The following TRIP12 variants were observed in gnomAD, a reference collection of about 807,000 sequenced individuals.
The protein encoded by TRIP12 is thyroid hormone receptor interactor 12, also known as E3 ubiquitin-protein ligase TRIP12.
A neutral mutation model predicts 244.2 loss-of-function variants in TRIP12; 25 were observed. That is an observed-to-expected ratio of 0.10 (90% CI 0.07 to 0.14). TRIP12 has a LOEUF of 0.14. Ranked by LOEUF, TRIP12 falls within the 10% of genes least tolerant of loss-of-function variation. TRIP12 has a pLI of 1.00. For missense variants in TRIP12, 1,677 were observed against 2,486.4 expected (o/e 0.67, Z 6.92); for synonymous variants, 905 against 873.1 (o/e 1.04, Z -0.64).
At chr2:229,866,771 T>C (rs988144724) in intron 2 of TRIP12, among the ~76,000 whole-genome samples, 2 of 152,134 alleles carry the variant, frequency 1.3e-5, no homozygotes, top group Non-Finnish European at 2.9e-5. Context: ...GTACTCTCCA[T>C]AGATGTTTCC....
At chr2:229,774,306 C>T in intron 37 of TRIP12, 45 bp from the exon 38 acceptor site, 1 of 1,553,954 alleles carries the variant, frequency 6.4e-7, no homozygotes, top group Non-Finnish European at 8.7e-7. Context: ...GCAAAATTAA[C>T]TTACGGTTGT....
At chr2:229,814,804 T>C (rs536093630) in intron 11 of TRIP12, among the ~76,000 whole-genome samples, 3 of 152,316 alleles carry the variant, frequency 2.0e-5, no homozygotes, top group East Asian at 3.9e-4. Context: ...AGGGTATAAA[T>C]AGCTATCAAC....
intron 23 of TRIP12, 67 bp from the exon 24 acceptor site, chr2:229,797,898 G>A: frequency 6.8e-7 from 1 of 1,469,610 alleles, no homozygotes; most frequent in Non-Finnish European, 9.2e-7. Flanking sequence ...TTCTGATCAA[G>A]GCAAATAGCT....
Position 229,916,563 on chromosome 2 carries a change from G to A in TRIP12, c.-50+5317C>T, listed in dbSNP as rs72991289. ...AAAGTGAGACTCTGTCTCAACAAAC[G>A]AACAAGCATAACCATGAAACTGACT... On this transcript the variant is annotated intron_variant, in intron 1 of 41. Coordinates refer to ENST00000675903, the MANE Select transcript of TRIP12 (RefSeq NM_001348323.3). Among the ~76,000 whole-genome samples, 861 of 152,148 alleles carry A rather than the reference G, an allele frequency of 5.7e-3. 4 individuals are homozygous for A. The highest frequency in any genetic ancestry group is 9.2e-3 in the Non-Finnish European group (625 of 67,990).
At chr2:229,846,704 T>C (rs2057650326) in intron 4 of TRIP12, among the ~76,000 whole-genome samples, 1 of 152,200 alleles carries the variant, frequency 6.6e-6, no homozygotes, top group Non-Finnish European at 1.5e-5. Context: ...TATGAGGTTA[T>C]AAAAAGGAAT....
chr2:229,901,331 C>T (rs1195054748), intron 1 of TRIP12, among the ~76,000 whole-genome samples: 1 of 151,920 alleles, frequency 6.6e-6, no homozygotes, highest in Admixed American at 6.6e-5. Flanking sequence ...GGCGCAGTGG[C>T]TCACTTTGGC....
At chr2:229,822,436 G>T (rs984887393) in intron 8 of TRIP12, among the ~76,000 whole-genome samples, 1 of 152,152 alleles carries the variant, frequency 6.6e-6, no homozygotes, top group Non-Finnish European at 1.5e-5. Flanking sequence ...AATTCTAGGA[G>T]GGCCACAACA....
chr2:229,809,931 T>C (rs771933517), intron 15 of TRIP12, among the ~76,000 whole-genome samples: 5 of 152,092 alleles, frequency 3.3e-5, no homozygotes, highest in African/African-American at 4.8e-5. Flanking sequence ...TCAGACAGAG[T>C]GGGACCAAAG....
rs201734931 is a variant in TRIP12, at chr2:229,897,957, TGA to T, written c.-49-17831_-49-17830del. 3.2e-3 allele frequency among the ~76,000 whole-genome samples: 493 copies of T among 152,294 alleles called. 22 individuals are homozygous for T. Among genetic ancestry groups the T allele is most frequent in the Admixed American group, 0.029 (446 of 15,300 alleles). On this transcript the variant is annotated intron_variant, in intron 1 of 41. Coordinates refer to ENST00000675903, the MANE Select transcript of TRIP12 (RefSeq NM_001348323.3). Reference sequence around the variant, plus strand: ...CAACAAACAACCTATGATGGACCAATGAGAGTCTCCTCCCAAGACTCTTTGGG... The same window carrying T: ...CAACAAACAACCTATGATGGACCAATGAGTCTCCTCCCAAGACTCTTTGGG...
chr2:229,775,097 CAATT>C (rs1210623424), intron 37 of TRIP12, among the ~76,000 whole-genome samples: 1 of 152,022 alleles, frequency 6.6e-6, no homozygotes, highest in Non-Finnish European at 1.5e-5. Flanking sequence ...TATAGGGTAA[CAATT>C]AAGGTACAGA....
chr2:229,884,299 C>T (rs1433809708), intron 1 of TRIP12, among the ~76,000 whole-genome samples: 13 of 143,384 alleles, frequency 9.1e-5, no homozygotes, highest in South Asian at 2.2e-4. Context: ...TGCAGTGGCA[C>T]GATCTCGGCT....
At chr2:229,868,353 G>A (rs1183232555) in intron 2 of TRIP12, among the ~76,000 whole-genome samples, 1 of 152,042 alleles carries the variant, frequency 6.6e-6, no homozygotes. Flanking sequence ...AGACACTTAC[G>A]ACCACACCTG....
chr2:229,894,177 C>G (rs542911882), intron 1 of TRIP12, among the ~76,000 whole-genome samples: 1 of 152,164 alleles, frequency 6.6e-6, no homozygotes, highest in Admixed American at 6.5e-5. Context: ...TTTCGTTATT[C>G]TGCTGGGTGT....
intron 9 of TRIP12, among the ~76,000 whole-genome samples, chr2:229,816,157 A>G (rs2154283265): frequency 6.6e-6 from 1 of 152,260 alleles, no homozygotes; most frequent in Non-Finnish European, 1.5e-5. Context: ...TAATGACAAC[A>G]ACAAACATCA....
intron 4 of TRIP12, among the ~76,000 whole-genome samples, chr2:229,843,655 G>A (rs2056981205): frequency 6.6e-6 from 1 of 152,208 alleles, no homozygotes; most frequent in Non-Finnish European, 1.5e-5. Flanking sequence ...GAGGCTGGAG[G>A]AATGGGTGAG....
chr2:229,908,290 G>C (rs1295423022), intron 1 of TRIP12, among the ~76,000 whole-genome samples: 1 of 152,050 alleles, frequency 6.6e-6, no homozygotes, highest in African/African-American at 2.4e-5. Context: ...CATCAAAAAG[G>C]GAACCAGGAA....
chr2:229,867,179 T>C (rs1342072344), intron 2 of TRIP12, among the ~76,000 whole-genome samples: 1 of 150,300 alleles, frequency 6.7e-6, no homozygotes, highest in Non-Finnish European at 1.5e-5. Flanking sequence ...TTGTTTTTTT[T>C]TTTTGAGACA....
intron 1 of TRIP12, among the ~76,000 whole-genome samples, chr2:229,901,838 G>T (rs1326724877): frequency 6.6e-6 from 1 of 152,092 alleles, no homozygotes; most frequent in Non-Finnish European, 1.5e-5. Context: ...ACAGACAGAA[G>T]ATGGTAGCAG....
rs185159377 is a variant in TRIP12, at chr2:229,815,583, A to G, written c.1600-275T>C. 3.5e-3 allele frequency among the ~76,000 whole-genome samples: 526 copies of G among 152,196 alleles called. 1 individual carries two copies. Among genetic ancestry groups the G allele is most frequent in the Admixed American group, 4.7e-3 (72 of 15,270 alleles). On this transcript the variant is annotated intron_variant, in intron 9 of 41. Coordinates refer to ENST00000675903, the MANE Select transcript of TRIP12 (RefSeq NM_001348323.3). ...AAACAAAGCCTTCTTGTTACTTACA[A>G]CCTATCCTTTTGGTAGCTCTAACCC... is the stretch of plus-strand genomic sequence containing the variant.
Sources: allele counts gnomAD v4.1 joint callset (sites outside exome capture counted in the v4.1 genomes callset), GRCh38; gene constraint gnomAD v4.1.1; transcripts MANE v1.5; gene names NCBI Gene and HGNC (gene_info 2026-07-23, HGNC 2026-07-21).